The following LRRC4C variants were observed in gnomAD, a reference collection of about 807,000 sequenced individuals.
The protein encoded by LRRC4C is leucine-rich repeat-containing protein 4C.
In LRRC4C, 5 loss-of-function variants were observed where a neutral mutation model predicts 33.6. The ratio of observed to expected loss-of-function variants is 0.15; its 90% confidence interval spans 0.08 to 0.31. The LOEUF is 0.31. Ranked by LOEUF, LRRC4C falls within the 10% of genes least tolerant of loss-of-function variation. LRRC4C has a pLI of 1.00. For synonymous variants in LRRC4C, 329 were observed against 302.0 expected, an observed-to-expected ratio of 1.09 and a Z score of -0.93; for missense variants, 560 against 796.7, an observed-to-expected ratio of 0.70 and a Z score of 3.58.
intron 5 of LRRC4C, among the ~76,000 whole-genome samples, chr11:40,149,713 T>C (rs543128192): frequency 3.9e-5 from 6 of 152,242 alleles, no homozygotes; most frequent in African/African-American, 1.2e-4. Context: ...TCAAGAATGA[T>C]AAGAAAGAAC....
intron 3 of LRRC4C, among the ~76,000 whole-genome samples, chr11:40,400,280 G>A (rs1440724608): frequency 1.3e-5 from 2 of 152,084 alleles, no homozygotes; most frequent in Non-Finnish European, 2.9e-5. Flanking sequence ...TGGAGAGAGA[G>A]CTCTCCCTTC....
intron 3 of LRRC4C, among the ~76,000 whole-genome samples, chr11:40,427,661 C>T (rs1307271752): frequency 6.6e-6 from 1 of 151,932 alleles, no homozygotes; most frequent in Non-Finnish European, 1.5e-5. Flanking sequence ...AGCCCTGTCT[C>T]TACAAAAAAT....
intron 1 of LRRC4C, among the ~76,000 whole-genome samples, chr11:41,284,003 C>T (rs150442130): frequency 3.2e-4 from 49 of 152,178 alleles, no homozygotes; most frequent in Middle Eastern, 3.4e-3. Flanking sequence ...GAAAGTTATA[C>T]GTATTTGATT....
chr11:41,435,385 T>C (rs1163727691), intron 1 of LRRC4C, among the ~76,000 whole-genome samples: 2 of 152,186 alleles, frequency 1.3e-5, no homozygotes, highest in Non-Finnish European at 2.9e-5. Flanking sequence ...CCTCTTGTGC[T>C]TTGACAAAAA....
intron 3 of LRRC4C, among the ~76,000 whole-genome samples, chr11:40,391,269 G>C (rs1949323199): frequency 6.6e-6 from 1 of 152,074 alleles, no homozygotes; most frequent in Non-Finnish European, 1.5e-5. Flanking sequence ...GTACGTAGTT[G>C]TTGAGAATGC....
intron 3 of LRRC4C, among the ~76,000 whole-genome samples, chr11:40,625,354 C>T (rs966821488): frequency 2.6e-5 from 4 of 152,106 alleles, no homozygotes; most frequent in African/African-American, 9.7e-5. Flanking sequence ...TTCCACATGG[C>T]TAGGGAGGCC....
chr11:40,161,677 C>T (rs1214235891), intron 5 of LRRC4C, among the ~76,000 whole-genome samples: 2 of 152,082 alleles, frequency 1.3e-5, no homozygotes, highest in Admixed American at 6.6e-5. Context: ...ATTGCTTGAA[C>T]CCGGGAGGTG....
intron 1 of LRRC4C, among the ~76,000 whole-genome samples, chr11:41,145,654 T>C (rs1284611846): frequency 1.3e-5 from 2 of 152,178 alleles, no homozygotes; most frequent in Non-Finnish European, 2.9e-5. Context: ...ATTATTCATG[T>C]ACATAACGGC....
intron 3 of LRRC4C, chr11:40,446,011 C>G (rs1323766265): frequency 6.6e-6 from 1 of 152,204 alleles, no homozygotes; most frequent in East Asian, 1.9e-4. Context: ...TGATTTTCTC[C>G]CATGTGTATT....
chr11:40,223,231 A>G (rs1039336074), intron 5 of LRRC4C, among the ~76,000 whole-genome samples: 3 of 152,244 alleles, frequency 2.0e-5, no homozygotes, highest in South Asian at 4.1e-4. Flanking sequence ...CTTATCATGT[A>G]ATCAGCAAAG....
intron 1 of LRRC4C, among the ~76,000 whole-genome samples, chr11:41,269,622 G>C (rs752103645): frequency 3.3e-5 from 5 of 152,106 alleles, no homozygotes; most frequent in Admixed American, 6.6e-5. Context: ...GATTGTCTTG[G>C]TCTGTCTCTC....
At chr11:41,300,461 A>G (rs1415741225) in intron 1 of LRRC4C, among the ~76,000 whole-genome samples, 1 of 152,156 alleles carries the variant, frequency 6.6e-6, no homozygotes, top group African/African-American at 2.4e-5. Context: ...CAGAAGGAAG[A>G]AATCAAAACT....
intron 3 of LRRC4C, among the ~76,000 whole-genome samples, chr11:40,431,183 C>T (rs1337412410): frequency 4.7e-5 from 7 of 147,376 alleles, no homozygotes; most frequent in Non-Finnish European, 1.0e-4. Flanking sequence ...AATCCCAGCA[C>T]TTTGGGAGGT....
intron 1 of LRRC4C, among the ~76,000 whole-genome samples, chr11:41,354,686 C>G (rs1330294143): frequency 2.0e-5 from 3 of 151,894 alleles, no homozygotes; most frequent in African/African-American, 7.3e-5. Flanking sequence ...ACAGGTTAGA[C>G]AACCCAGAAA....
intron 5 of LRRC4C, among the ~76,000 whole-genome samples, chr11:40,142,497 T>G (rs1029488169): frequency 6.6e-6 from 1 of 152,132 alleles, no homozygotes; most frequent in Non-Finnish European, 1.5e-5. Flanking sequence ...TGTTTATTGC[T>G]AAATCAAATA....
intron 2 of LRRC4C, among the ~76,000 whole-genome samples, chr11:40,816,461 TTTTTC>T: frequency 6.6e-6 from 1 of 152,286 alleles, no homozygotes; most frequent in African/African-American, 2.4e-5. Flanking sequence ...AAGTTTGTCT[TTTTTC>T]TTTTTTCAAT....
chr11:40,671,828 T>C (rs1944137164), intron 2 of LRRC4C, among the ~76,000 whole-genome samples: 1 of 152,158 alleles, frequency 6.6e-6, no homozygotes, highest in Admixed American at 6.5e-5. Context: ...CCTATCACTA[T>C]CTAAGATTAT....
At chr11:40,667,122 C>T (rs770005014) in intron 2 of LRRC4C, among the ~76,000 whole-genome samples, 6 of 152,078 alleles carry the variant, frequency 3.9e-5, no homozygotes. Context: ...TTGCAAACCA[C>T]TTCTATATGT....
In LRRC4C at chr11:40,547,273, TC is replaced by T. The variant is rs2135423192; in HGVS notation, c.-270+100868del. Reference sequence around the variant, plus strand: ...GGGGAAGAGCTGAAGAAAAGAAAATTCCAAAACTTTTTTTTCATTTCTTTCT... The same window carrying T: ...GGGGAAGAGCTGAAGAAAAGAAAATTCAAAACTTTTTTTTCATTTCTTTCT... On this transcript the variant is annotated intron_variant, in intron 3 of 6. Coordinates refer to ENST00000528697, the MANE Select transcript of LRRC4C (RefSeq NM_001258419.2). 2.0e-5 allele frequency among the ~76,000 whole-genome samples: 3 copies of T among 152,174 alleles called. No individual in the cohort carries two copies. The South Asian group carries it at 6.2e-4, about 32-fold the overall frequency.
Sources: allele counts gnomAD v4.1 joint callset (sites outside exome capture counted in the v4.1 genomes callset), GRCh38; gene constraint gnomAD v4.1.1; transcripts MANE v1.5; gene names NCBI Gene and HGNC (gene_info 2026-07-23, HGNC 2026-07-21).